Variants in CACNB4 observed in about 807,000 individuals in gnomAD.
CACNB4 encodes voltage-dependent L-type calcium channel subunit beta-4.
In CACNB4, 32 loss-of-function variants were observed where a neutral mutation model predicts 71.2. The observed-to-expected ratio is 0.45, with a 90% CI of 0.34 to 0.60. CACNB4 has a LOEUF of 0.60. CACNB4 is among the 20% of genes least tolerant of loss of function. CACNB4 has a pLI of 0.01. For missense variants in CACNB4, 464 were observed against 647.9 expected (o/e 0.72, Z 3.08); for synonymous variants, 231 against 236.9 (o/e 0.97, Z 0.23).
intron 12 of CACNB4, among the ~76,000 whole-genome samples, chr2:151,842,294 T>C (rs2099836419): frequency 6.8e-6 from 1 of 146,974 alleles, no homozygotes; most frequent in South Asian, 2.2e-4. Flanking sequence ...AATATAAAAA[T>C]GAAAGTGTTC....
chr2:151,865,097 G>C (rs148955684), intron 9 of CACNB4, among the ~76,000 whole-genome samples: 267 of 152,286 alleles, frequency 1.8e-3, no homozygotes, highest in African/African-American at 5.5e-3. Context: ...GAAAACAGTA[G>C]GAAGAATGCA....
In CACNB4 at chr2:152,067,712, A is replaced by G. The variant is rs546099528; in HGVS notation, c.147+30618T>C. Among the ~76,000 whole-genome samples, 15 of 152,262 alleles carry G rather than the reference A, an allele frequency of 9.9e-5. No individual in the cohort carries two copies. The East Asian group carries it at 2.5e-3, about 25-fold the overall frequency. On this transcript the variant is annotated intron_variant, in intron 2 of 13. Coordinates refer to ENST00000539935, the MANE Select transcript of CACNB4 (RefSeq NM_000726.5). ...ATCATGGAGCTAGATCACCCGCCCT[A>G]TTGCTGGTGGTAAGTAGGATAGCAA...
intron 2 of CACNB4, among the ~76,000 whole-genome samples, chr2:151,965,724 G>C (rs2151710777): frequency 9.7e-6 from 1 of 103,594 alleles, no homozygotes; most frequent in African/African-American, 2.7e-5. Flanking sequence ...TTCTCAGAAA[G>C]CTTTTGCTTT....
intron 13 of CACNB4, among the ~76,000 whole-genome samples, chr2:151,839,986 C>T (rs963627932): frequency 4.6e-5 from 7 of 152,094 alleles, no homozygotes; most frequent in African/African-American, 1.7e-4. Flanking sequence ...ATCTTGCTTC[C>T]TCAACTAAAA....
intron 10 of CACNB4, chr2:151,856,542 C>T (rs2099840362): frequency 6.6e-6 from 1 of 152,076 alleles, no homozygotes; most frequent in Non-Finnish European, 1.5e-5. Flanking sequence ...GAACTCTTGA[C>T]CTCAAGTGAT....
chr2:152,005,038 C>T (rs1036323611), intron 2 of CACNB4, among the ~76,000 whole-genome samples: 2 of 151,976 alleles, frequency 1.3e-5, no homozygotes, highest in Non-Finnish European at 2.9e-5. Context: ...CTGGTGAGGT[C>T]GTGGCAAAAA....
chr2:152,079,278 T>A (rs1045673198), intron 2 of CACNB4, among the ~76,000 whole-genome samples: 2 of 151,844 alleles, frequency 1.3e-5, no homozygotes, highest in Non-Finnish European at 2.9e-5. Flanking sequence ...TTAGTAGAGA[T>A]GGGGTTTCAC....
chr2:151,946,093 C>T (rs2099865524), intron 2 of CACNB4, among the ~76,000 whole-genome samples: 1 of 152,066 alleles, frequency 6.6e-6, no homozygotes, highest in South Asian at 2.1e-4. Flanking sequence ...CTTTGGGAGG[C>T]GAAGGCTGGT....
At position 152,035,630 on chromosome 2, in the gene CACNB4, C is replaced by CCT. The variant is rs369495604; in HGVS notation, c.147+62698_147+62699dup. ...CTCTCTCTCTCTCTCCCTCCCTCTCCCTCTCTCTCTCTCTCTCTCTCTATA... is the reference window on the plus strand; with the variant it reads ...CTCTCTCTCTCTCTCCCTCCCTCTCCCTCTCTCTCTCTCTCTCTCTCTCTATA... On this transcript the variant is annotated intron_variant, in intron 2 of 13. Coordinates refer to ENST00000539935, the MANE Select transcript of CACNB4 (RefSeq NM_000726.5). Among the ~76,000 whole-genome samples, 481 of 93,278 alleles carry CCT rather than the reference C, an allele frequency of 5.2e-3. 12 individuals carry two copies. The highest frequency in any genetic ancestry group is 0.013 in the East Asian group (42 of 3,180). 61.2% of individuals were successfully genotyped at this position (93,278 alleles called of 152,430 possible).
chr2:152,001,521 T>G (rs1484713375), intron 2 of CACNB4, among the ~76,000 whole-genome samples: 1 of 80,662 alleles, frequency 1.2e-5, no homozygotes, highest in Non-Finnish European at 2.1e-5. Context: ...AAACCCCATC[T>G]CTACTAAAAA....
intron 2 of CACNB4, among the ~76,000 whole-genome samples, chr2:152,077,168 C>T (rs1457234548): frequency 2.6e-5 from 4 of 152,214 alleles, no homozygotes; most frequent in Non-Finnish European, 2.9e-5. Flanking sequence ...TGCCTGTAAT[C>T]CCAGCACTTT....
intron 2 of CACNB4, among the ~76,000 whole-genome samples, chr2:152,016,643 C>T (rs6727569): frequency 0.43 from 65,648 of 152,086 alleles, 16,230 homozygotes; most frequent in Non-Finnish European, 0.57. Context: ...CCCACAGTCA[C>T]GTTATCTGAA....
Position 151,833,052 on chromosome 2 carries a change from A to G in CACNB4, c.*6067T>C, listed in dbSNP as rs578205967. ...TGCTACACATACCTAGATAAGAAAA[A>G]TAAAAGGGGACAAATTATTAAAATA... is the stretch of plus-strand genomic sequence containing the variant. On this transcript the variant is annotated 3_prime_UTR_variant, in exon 14 of 14. Coordinates refer to ENST00000539935, the MANE Select transcript of CACNB4 (RefSeq NM_000726.5). 2 of 152,306 alleles carry G rather than the reference A, an allele frequency of 1.3e-5. No homozygotes were observed. The highest frequency in any genetic ancestry group is 4.1e-4 in the South Asian group (2 of 4,834). The allele number at this position is 152,306 out of a possible 1,614,324, so 9.4% of individuals were successfully genotyped here.
At chr2:151,998,256 C>T (rs377449012) in intron 2 of CACNB4, among the ~76,000 whole-genome samples, 3 of 136,912 alleles carry the variant, frequency 2.2e-5, no homozygotes, top group East Asian at 4.9e-4. Flanking sequence ...ACTCAGGAGG[C>T]GTAGGTTGTG....
At chr2:151,902,987 G>A (rs762317977) in intron 2 of CACNB4, among the ~76,000 whole-genome samples, 29 of 152,170 alleles carry the variant, frequency 1.9e-4, no homozygotes, top group Admixed American at 5.9e-4. Context: ...AGGATTGCTC[G>A]CCAATTTCTC....
At chr2:151,985,424 C>T (rs1215355223) in intron 2 of CACNB4, among the ~76,000 whole-genome samples, 1 of 152,120 alleles carries the variant, frequency 6.6e-6, no homozygotes, top group African/African-American at 2.4e-5. Context: ...GTCTGCAATT[C>T]AGATTATTTT....
At chr2:152,082,579 A>G (rs1250240267) in intron 2 of CACNB4, among the ~76,000 whole-genome samples, 1 of 152,226 alleles carries the variant, frequency 6.6e-6, no homozygotes, top group East Asian at 1.9e-4. Context: ...CACAGCCATA[A>G]AGTCCTATAA....
At chr2:151,942,512 C>T (rs980084097) in intron 2 of CACNB4, among the ~76,000 whole-genome samples, 7 of 148,608 alleles carry the variant, frequency 4.7e-5, no homozygotes, top group South Asian at 2.1e-4. Context: ...AAAATAACAG[C>T]GATTTTTAGG....
At chr2:151,921,604 A>G (rs1246379712) in intron 2 of CACNB4, among the ~76,000 whole-genome samples, 2 of 152,124 alleles carry the variant, frequency 1.3e-5, no homozygotes, top group Non-Finnish European at 2.9e-5. Context: ...TCCAGCTTCT[A>G]AAGCCAGCCA....
Sources: allele counts gnomAD v4.1 joint callset (sites outside exome capture counted in the v4.1 genomes callset), GRCh38; gene constraint gnomAD v4.1.1; transcripts MANE v1.5; gene names NCBI Gene and HGNC (gene_info 2026-07-23, HGNC 2026-07-21).